Variants in MEGF8 observed in about 807,000 individuals in gnomAD.
MEGF8 encodes the protein multiple epidermal growth factor-like domains protein 8.
MEGF8 carries 156 observed loss-of-function variants against 302.9 expected under a neutral mutation model. The ratio of observed to expected loss-of-function variants is 0.52; its 90% CI spans 0.45 to 0.59. MEGF8 has a LOEUF of 0.59. Ranked by LOEUF, MEGF8 falls within the 20% of genes least tolerant of loss-of-function variation. The pLI, the probability that MEGF8 is intolerant of heterozygous loss-of-function variation, is 0.00. For synonymous variants in MEGF8, 1,621 were observed against 1,660.5 expected (o/e 0.98, Z 0.58); for missense variants, 3,345 against 3,964.5 (o/e 0.84, Z 4.20).
In MEGF8 at chr19:42,375,834, C is replaced by A; in HGVS notation, c.7597C>A (p.Pro2533Thr). 6.2e-7 allele frequency: 1 copy of A among 1,610,730 alleles called. No homozygotes were observed. Among genetic ancestry groups the A allele is most frequent in the Non-Finnish European group, 8.5e-7 (1 of 1,179,162 alleles). ...ACACATCCAGCCACCCCCAGCCCCA[C>A]CACCTCCACCACCCCCTGCAGATGG... ...TVHIQPPPAPPPPPPPADGGP... is the reference protein window; with the variant it reads ...TVHIQPPPAPTPPPPPADGGP... Residue 2533 changes from proline to threonine, a missense_variant, in exon 42 of 42, where the codon CCA (proline) becomes ACA (threonine). Pro to Thr is a conservative substitution (Grantham distance 38). Coordinates refer to ENST00000251268, the MANE Select transcript of MEGF8 (RefSeq NM_001271938.2). The surrounding 1 kb of genome is among the most constrained non-coding windows in gnomAD (Gnocchi z 7.1).
intron 8 of MEGF8, among the ~76,000 whole-genome samples, chr19:42,338,246 G>GTT (rs966532708): frequency 7.0e-6 from 1 of 142,588 alleles, no homozygotes; most frequent in Admixed American, 7.0e-5. Context: ...TTTTTTTTTT[G>GTT]TTTTTTTTTT....
chr19:42,344,896 C>A lies in MEGF8; in HGVS notation c.2097+63C>A. The A allele has an allele frequency of 6.9e-7, 1 of 1,440,484 alleles. No homozygotes were observed. The highest frequency in any genetic ancestry group is 9.2e-7 in the Non-Finnish European group (1 of 1,081,960). The allele number at this position is 1,440,484 out of a possible 1,614,324, so 89.2% of individuals were successfully genotyped here. A position where few individuals can be genotyped will look rare whatever the true frequency, so the allele number is the denominator to read the frequency against. On this transcript the variant is annotated intron_variant, in intron 12 of 41. Coordinates refer to ENST00000251268, the MANE Select transcript of MEGF8 (RefSeq NM_001271938.2). The surrounding 1 kb of genome is among the most constrained non-coding windows in gnomAD (Gnocchi z 4.5). ...ATCCTGATCCTAGGGTTTGTTTTTT[C>A]TCAAATGCATCTTTATCACTCTTAT...
At chr19:42,370,154 C>T (rs1299949915) in intron 38 of MEGF8, 35 bp from the exon 39 acceptor site, 1 of 1,580,868 alleles carries the variant, frequency 6.3e-7, no homozygotes, top group South Asian at 1.2e-5. Context: ...TGATGACTCT[C>T]CAGCCTCTCT....
rs376855081 is a variant in MEGF8 at position 42,354,677 on chromosome 19, C to T, written c.4101C>T (p.Cys1367=). ...QSDRSLIAAF[C]GQRRDRPLTV... ...ACCGCAGCCTCATAGCTGCCTTCTG[C>T]GGCCAGCGACGGGACAGGCCCCTCA... The change falls in exon 23 of 42, where the codon TGC becomes TGT. Residue 1367 remains cysteine (C), a synonymous_variant. Coordinates refer to ENST00000251268, the MANE Select transcript of MEGF8 (RefSeq NM_001271938.2). This position sits in a 1 kb window ranked among gnomAD's most constrained non-coding sequence, Gnocchi z 4.3. 16 of 1,610,392 alleles carry T rather than the reference C, an allele frequency of 9.9e-6. No homozygotes were observed. In the East Asian group the frequency reaches 1.1e-4, roughly 11 times the overall value.
At position 42,376,690 on chromosome 19, in the gene MEGF8, G is replaced by A. The variant is rs1320920881; in HGVS notation, c.8453G>A (p.Gly2818Glu). The A allele has an allele frequency of 2.0e-6, 3 of 1,512,352 alleles. No individual in the cohort carries two copies. The highest frequency in any genetic ancestry group is 2.7e-6 in the Non-Finnish European group (3 of 1,130,134). The allele number at this position is 1,512,352 out of a possible 1,614,324, so 93.7% of individuals were successfully genotyped here. A position where few individuals can be genotyped will look rare whatever the true frequency, so the allele number is the denominator to read the frequency against. Residue 2818 changes from glycine to glutamate, a missense_variant, in exon 42 of 42, where the codon GGG (glycine) becomes GAG (glutamate). Transcript: ENST00000251268. This position sits in a 1 kb window ranked among gnomAD's most constrained non-coding sequence, Gnocchi z 8.2. ...HRLHEYCGGG[G>E]GAGGSGHGTG... ...CTGCACGAGTACTGTGGGGGTGGTG[G>A]GGGTGCTGGGGGCAGTGGGCATGGG...
At chr19:42,338,874 G>A (rs1248001763) in intron 8 of MEGF8, among the ~76,000 whole-genome samples, 3 of 111,724 alleles carry the variant, frequency 2.7e-5, no homozygotes, top group Admixed American at 1.4e-4. Flanking sequence ...TCGCTCTGTC[G>A]CCCAGGCTGG....
chr19:42,354,053 C>A lies in MEGF8; in HGVS notation c.4011+29C>A. On this transcript the variant is annotated intron_variant, in intron 22 of 41. Transcript: ENST00000251268. This position sits in a 1 kb window ranked among gnomAD's most constrained non-coding sequence, Gnocchi z 4.3. The stretch of plus-strand genomic sequence containing the variant: ...AGCACTGAGGAAACGAGGGTTCAGG[C>A]GCATGAGCCAGAACCGTGTCCCCTG... 6.3e-7 allele frequency: 1 copy of A among 1,575,312 alleles called. No individual in the cohort carries two copies. The highest frequency in any genetic ancestry group is 8.6e-7 in the Non-Finnish European group (1 of 1,162,360).
Position 42,352,453 on chromosome 19 carries a change from G to A in MEGF8, c.3347G>A (p.Arg1116His), listed in dbSNP as rs551687173. ...YQGDGISHCN[R>H]TCLEDCGHGV... The stretch of plus-strand genomic sequence containing the variant: ...GGTGATGGCATCTCACACTGCAACC[G>A]CACGTGAGTGAGGCGGGGGTTGCTA... The change falls in exon 19 of 42, where the codon CGC (arginine) becomes CAC (histidine). Residue 1116 changes from arginine (R) to histidine (H), a missense_variant. Transcript: ENST00000251268. This position sits in a 1 kb window ranked among gnomAD's most constrained non-coding sequence, Gnocchi z 4.4. The A allele has an allele frequency of 3.1e-6, 5 of 1,589,288 alleles. No individual in the cohort carries two copies. The highest frequency in any genetic ancestry group is 1.7e-5 in the Admixed American group (1 of 57,622).
Position 42,343,671 on chromosome 19 carries a change from G to A in MEGF8, c.1668+40G>A, listed in dbSNP as rs370760011. 25 of 1,554,336 alleles carry A rather than the reference G, an allele frequency of 1.6e-5. 1 individual carries two copies. In the African/African-American group the frequency reaches 2.7e-4, roughly 17 times the overall value. ...GACAGGGAAAGGGTGGCTGGGGGGA[G>A]GAGGTAGCAGGGTTTCCACAGGTGA... On this transcript the variant is annotated intron_variant, in intron 9 of 41. Transcript: ENST00000251268.
rs771518606 is a variant in MEGF8 at position 42,376,571 on chromosome 19, T to C, written c.8334T>C (p.Ala2778=). ...TCGAGCCCACAGAAGATGGCATGGC[T>C]GGCGTGGCCACACTGCTGCTCCAGC... ...ITLEPTEDGM[A]GVATLLLQLP... The change falls in exon 42 of 42, where the codon GCT becomes GCC. Residue 2778 remains alanine (A), a synonymous_variant. Transcript: ENST00000251268. This position sits in a 1 kb window ranked among gnomAD's most constrained non-coding sequence, Gnocchi z 8.2. 16 of 1,553,368 alleles carry C rather than the reference T, an allele frequency of 1.0e-5. 1 individual carries two copies. In the South Asian group the frequency reaches 1.9e-4, roughly 18 times the overall value.
In MEGF8 at chr19:42,375,014, A is replaced by G. The variant is rs2039745367; in HGVS notation, c.7270-493A>G. Among the ~76,000 whole-genome samples, 1 of 152,182 alleles carries G rather than the reference A, an allele frequency of 6.6e-6. No individual in the cohort carries two copies. The highest frequency in any genetic ancestry group is 2.4e-5 in the African/African-American group (1 of 41,460). ...AGGGTGGGAGGGCGCCTGGCACAGT[A>G]TAGAAGAAGCATCCAGGCAGGCAGG... On this transcript the variant is annotated intron_variant, in intron 41 of 41. Coordinates refer to ENST00000251268, the MANE Select transcript of MEGF8 (RefSeq NM_001271938.2). The surrounding 1 kb of genome is among the most constrained non-coding windows in gnomAD (Gnocchi z 7.1).
rs1455065549 is a variant in MEGF8 at position 42,352,168 on chromosome 19, T to C, written c.3102-40T>C. The C allele has an allele frequency of 3.4e-6, 5 of 1,472,840 alleles. No individual in the cohort carries two copies. Among genetic ancestry groups the C allele is most frequent in the Admixed American group, 2.6e-5 (1 of 38,498 alleles). The allele number at this position is 1,472,840 out of a possible 1,614,324, so 91.2% of individuals were successfully genotyped here. On this transcript the variant is annotated intron_variant, in intron 18 of 41. Coordinates refer to ENST00000251268, the MANE Select transcript of MEGF8 (RefSeq NM_001271938.2). The surrounding 1 kb of genome is among the most constrained non-coding windows in gnomAD (Gnocchi z 4.4). ...ATTGTTTCTATGTATGGCTCCTGTT[T>C]CTATGTTGTCCCCCGCTTCTTCACT... is the stretch of plus-strand genomic sequence containing the variant.
At position 42,334,998 on chromosome 19, in the gene MEGF8, C is replaced by A. The variant is rs1441609409; in HGVS notation, c.559-37C>A. 3.8e-6 allele frequency: 6 copies of A among 1,574,544 alleles called. No individual in the cohort carries two copies. The South Asian group carries it at 6.9e-5, about 18-fold the overall frequency. ...TTTGTCTCTCTGTCCTTGTCTCTCC[C>A]TCTCTTATCTCTGCCTTTATGTCTC... On this transcript the variant is annotated intron_variant, in intron 3 of 41. Coordinates refer to ENST00000251268, the MANE Select transcript of MEGF8 (RefSeq NM_001271938.2).
rs372613242 is a variant in MEGF8, at chr19:42,349,635, C to T, written c.2435C>T (p.Ser812Leu). Reference protein sequence around the residue: ...AVEIQGQLNGSAGPGHSELTL... With the variant: ...AVEIQGQLNGLAGPGHSELTL... ...GAGATCCAGGGCCAGCTCAATGGCT[C>T]GGCAGGCCCTGGGCACAGCGAGCTA... The change falls in exon 14 of 42, where the codon TCG (serine) becomes TTG (leucine). Residue 812 changes from serine to leucine, a missense_variant. Ser to Leu is a moderately radical substitution (Grantham distance 145). Coordinates refer to ENST00000251268, the MANE Select transcript of MEGF8 (RefSeq NM_001271938.2). 3.1e-5 allele frequency: 50 copies of T among 1,611,922 alleles called. No homozygotes were observed. The highest frequency in any genetic ancestry group is 5.5e-5 in the South Asian group (5 of 91,076).
Position 42,376,185 on chromosome 19 carries a change from GTCT to G in MEGF8, c.7955_7957del (p.Phe2652del). 3 of 1,610,000 alleles carry G rather than the reference GTCT, an allele frequency of 1.9e-6. No individual in the cohort carries two copies. Among genetic ancestry groups the G allele is most frequent in the South Asian group, 1.1e-5 (1 of 90,820 alleles). ...GGACCAGGCCCACATTGACCTGTTT[GTCT>G]TCTTCTCCGTCTTCTTCTCCTGCTT... is the stretch of plus-strand genomic sequence containing the variant. On this transcript the variant is annotated inframe_deletion, in exon 42 of 42. Transcript: ENST00000251268. The surrounding 1 kb of genome is among the most constrained non-coding windows in gnomAD (Gnocchi z 8.2).
At chr19:42,326,530 G>A in intron 1 of MEGF8, 100 bp downstream of exon 1, 1 of 1,435,546 alleles carries the variant, frequency 7.0e-7, no homozygotes, top group Non-Finnish European at 9.1e-7. Flanking sequence ...TCTGGTCCAG[G>A]CCTTTTGCTC....
In MEGF8 at chr19:42,358,850, C is replaced by T. The variant is rs147522761; in HGVS notation, c.5239C>T (p.Pro1747Ser). 42 of 1,607,176 alleles carry T rather than the reference C, an allele frequency of 2.6e-5. No individual in the cohort carries two copies. Among genetic ancestry groups the T allele is most frequent in the Non-Finnish European group, 3.4e-5 (40 of 1,177,062 alleles). The change falls in exon 30 of 42, where the codon CCT becomes TCT. Residue 1747 changes from proline (P) to serine (S), a missense_variant. By Grantham distance (74) the Pro-to-Ser change is moderately conservative. Transcript: ENST00000251268. The surrounding 1 kb of genome is among the most constrained non-coding windows in gnomAD (Gnocchi z 4.4). ...TCTGGGCCAAGTTCCTGGGGAGCAG[C>T]CTGGGTCATGGGGGTTCCGGGAAGT... ...RGLGQVPGEQ[P>S]GSWGFREVRK...
At position 42,350,309 on chromosome 19, in the gene MEGF8, TG is replaced by T. The variant is rs1568564663; in HGVS notation, c.2664del (p.Ser889ProfsTer52). On this transcript the variant is annotated frameshift_variant, in exon 15 of 42. Transcript: ENST00000251268. LOFTEE classifies it high-confidence loss of function. ...CCCATTGCGGGGATGACGGGGCTGG[TG>T]GGTCCCTGCTGGTGCTGGTGCCTAC... is the stretch of plus-strand genomic sequence containing the variant. ...GAHCGDDGAGGSLLVLVPTLC... is the reference protein window; with the variant it reads ...GAHCGDDGAGXSLLVLVPTLC... 6.2e-7 allele frequency: 1 copy of T among 1,608,556 alleles called. No homozygotes were observed.
Position 42,376,666 on chromosome 19 carries a change from T to C in MEGF8, c.8429T>C (p.Leu2810Pro). 1 of 1,532,900 alleles carries C rather than the reference T, an allele frequency of 6.5e-7. No homozygotes were observed. Among genetic ancestry groups the C allele is most frequent in the African/African-American group, 1.4e-5 (1 of 73,218 alleles). The allele number at this position is 1,532,900 out of a possible 1,614,324, so 95.0% of individuals were successfully genotyped here. A position where few individuals can be genotyped will look rare whatever the true frequency, so the allele number is the denominator to read the frequency against. ...GCCCTCGTCACACTGCGGCACAGGC[T>C]GCACGAGTACTGTGGGGGTGGTGGG... ...GSALVTLRHR[L>P]HEYCGGGGGA... The change falls in exon 42 of 42, where the codon CTG becomes CCG. Residue 2810 changes from leucine (L) to proline (P), a missense_variant. Transcript: ENST00000251268. This position sits in a 1 kb window ranked among gnomAD's most constrained non-coding sequence, Gnocchi z 8.2.
Sources: gnomAD v4.1 joint callset for allele counts (sites outside exome capture counted in the v4.1 genomes callset) on GRCh38, gnomAD v4.1.1 for gene constraint, Gnocchi (gnomAD v3.1) non-coding constraint, MANE v1.5 for transcripts, NCBI Gene and HGNC (gene_info 2026-07-23, HGNC 2026-07-21) for gene names.